DNAAF5: variants seen among roughly 807,000 people sequenced by gnomAD.
DNAAF5 encodes the protein HEAT repeat containing 2.
In DNAAF5, 64 loss-of-function variants were observed where a neutral mutation model predicts 75.8. That is an observed-to-expected ratio of 0.84 (90% confidence interval 0.69 to 1.04). The LOEUF is 1.04. Among genes scored for constraint, DNAAF5 ranks in the 50% least tolerant of loss-of-function variants. DNAAF5 has a pLI of 0.00. For synonymous variants in DNAAF5, 657 were observed against 557.2 expected (o/e 1.18, Z -2.52); for missense variants, 1,269 against 1,178.5 (o/e 1.08, Z -1.12).
At chr7:775,624 T>C (rs1165457823) in intron 11 of DNAAF5, among the ~76,000 whole-genome samples, 1 of 152,166 alleles carries the variant, frequency 6.6e-6, no homozygotes, top group Non-Finnish European at 1.5e-5. Flanking sequence ...ATGTATGTAT[T>C]GGGGGGCAGA....
intron 2 of DNAAF5, among the ~76,000 whole-genome samples, chr7:733,282 A>G (rs1169115855): frequency 2.6e-5 from 4 of 152,156 alleles, no homozygotes; most frequent in East Asian, 3.8e-4. Context: ...TGGCTATTCA[A>G]CGTCTTTCGA....
At chr7:734,437 G>T (rs2128070744) in intron 2 of DNAAF5, among the ~76,000 whole-genome samples, 1 of 152,312 alleles carries the variant, frequency 6.6e-6, no homozygotes. Context: ...TGCATTCCTG[G>T]AATAAATCTC....
intron 4 of DNAAF5, among the ~76,000 whole-genome samples, chr7:745,491 T>C (rs1782061966): frequency 6.6e-6 from 1 of 152,212 alleles, no homozygotes. Context: ...CACATGTACA[T>C]GCATATCGCA....
intron 8 of DNAAF5, chr7:769,256 C>A: frequency 1.4e-6 from 1 of 732,038 alleles, no homozygotes; most frequent in Admixed American, 1.9e-5. Context: ...CTACACTGGC[C>A]CGGGGCCAGA....
At chr7:761,308 C>G (rs2128080192) in intron 6 of DNAAF5, among the ~76,000 whole-genome samples, 1 of 152,392 alleles carries the variant, frequency 6.6e-6, no homozygotes, top group South Asian at 2.1e-4. Flanking sequence ...GAGCCGTAGA[C>G]TAGGAGCCCC....
At chr7:749,818 C>T (rs1047111950) in intron 4 of DNAAF5, among the ~76,000 whole-genome samples, 2 of 152,204 alleles carry the variant, frequency 1.3e-5, no homozygotes, top group Admixed American at 6.5e-5. Context: ...CCTGCCTCAG[C>T]CTCCCGAGTA....
At chr7:746,833 G>C (rs766265354) in intron 4 of DNAAF5, among the ~76,000 whole-genome samples, 111 of 152,316 alleles carry the variant, frequency 7.3e-4, no homozygotes, top group Non-Finnish European at 9.1e-4. Context: ...ACTGCTCATG[G>C]GCCCTGGCAC....
chr7:747,484 G>T (rs1241526857), intron 4 of DNAAF5, among the ~76,000 whole-genome samples: 4 of 151,890 alleles, frequency 2.6e-5, no homozygotes, highest in African/African-American at 9.7e-5. Flanking sequence ...TGTTGGTGGG[G>T]TTTGCTGTTT....
At chr7:784,660 G>GTA (rs1779093137) in intron 12 of DNAAF5, among the ~76,000 whole-genome samples, 4 of 152,088 alleles carry the variant, frequency 2.6e-5, no homozygotes, top group African/African-American at 9.7e-5. Flanking sequence ...TGAACCCTCC[G>GTA]TAAGCATGGG....
chr7:743,639 G>A (rs895085248), intron 4 of DNAAF5, among the ~76,000 whole-genome samples: 3 of 142,300 alleles, frequency 2.1e-5, no homozygotes, highest in African/African-American at 5.0e-5. Flanking sequence ...GAGAACGCTC[G>A]ATCTTTTTTT....
rs1583532837 is a variant in DNAAF5 at position 786,331 on chromosome 7, A to G, written c.*678A>G. 6.6e-6 allele frequency: 1 copy of G among 152,250 alleles called. No homozygotes were observed. Among genetic ancestry groups the G allele is most frequent in the East Asian group, 1.9e-4 (1 of 5,202 alleles). The allele number at this position is 152,250 out of a possible 1,614,324, so 9.4% of individuals were successfully genotyped here. On this transcript the variant is annotated 3_prime_UTR_variant, in exon 13 of 13. Transcript: ENST00000297440. ...TTTCCCTCTCGCACATTCTACACCC[A>G]AGTGCCTAAAAGATCTCATTGTAAG...
rs967853074 is a variant in DNAAF5 at position 780,298 on chromosome 7, C to G, written c.2431+154C>G. On this transcript the variant is annotated intron_variant, in intron 12 of 12. Coordinates refer to ENST00000297440, the MANE Select transcript of DNAAF5 (RefSeq NM_017802.4). Reference sequence around the variant, plus strand: ...CACACTCTTGAGTTCTTGGCAAACCCTGAGAGCGGCTGTCTTTGTGGTGAT... The same window carrying G: ...CACACTCTTGAGTTCTTGGCAAACCGTGAGAGCGGCTGTCTTTGTGGTGAT... Among the ~76,000 whole-genome samples, 59 of 152,380 alleles carry G rather than the reference C, an allele frequency of 3.9e-4. No individual in the cohort carries two copies. Among genetic ancestry groups the G allele is most frequent in the African/African-American group, 1.3e-3 (56 of 41,602 alleles).
intron 1 of DNAAF5, among the ~76,000 whole-genome samples, chr7:729,037 C>T (rs979240380): frequency 2.8e-5 from 4 of 144,220 alleles, no homozygotes; most frequent in Non-Finnish European, 6.0e-5. Flanking sequence ...CACTCTGTCT[C>T]CCAGGCTGGA....
Position 740,950 on chromosome 7 carries a change from G to A in DNAAF5, c.905+7G>A, listed in dbSNP as rs1263062962. On this transcript the variant is annotated splice_region_variant and intron_variant, in intron 3 of 12. Transcript: ENST00000297440. ...ACGAGGTGCCTGAGGTCAGGTACGT[G>A]GGCAGGCGGCCGCGGGCCTTGTCTT... 4.3e-6 allele frequency: 7 copies of A among 1,612,054 alleles called. No individual in the cohort carries two copies. Among genetic ancestry groups the A allele is most frequent in the Non-Finnish European group, 5.9e-6 (7 of 1,179,980 alleles).
intron 4 of DNAAF5, among the ~76,000 whole-genome samples, chr7:745,924 C>G (rs1252393290): frequency 6.6e-6 from 1 of 152,182 alleles, no homozygotes; most frequent in African/African-American, 2.4e-5. Flanking sequence ...AGTTAGTTAT[C>G]CGTGCCGAGG....
intron 4 of DNAAF5, among the ~76,000 whole-genome samples, chr7:743,535 G>A (rs1354207761): frequency 2.9e-5 from 4 of 139,092 alleles, no homozygotes; most frequent in Admixed American, 7.6e-5. Flanking sequence ...CCCACCCCAC[G>A]CTGCACAGTT....
chr7:754,471 T>C lies in DNAAF5; in HGVS notation c.1025-118T>C. The C allele has an allele frequency of 1.2e-6, 1 of 848,746 alleles. No homozygotes were observed. The highest frequency in any genetic ancestry group is 2.4e-5 in the East Asian group (1 of 40,882). The allele number at this position is 848,746 out of a possible 1,614,324, so 52.6% of individuals were successfully genotyped here. On this transcript the variant is annotated intron_variant, in intron 4 of 12. Coordinates refer to ENST00000297440, the MANE Select transcript of DNAAF5 (RefSeq NM_017802.4). This position sits in a 1 kb window ranked among gnomAD's most constrained non-coding sequence, Gnocchi z 4.8. ...TCAGCTTTGCGTCCACCCCAAGACT[T>C]GTTTTGAAATGGTGAGGTTGAAACT...
intron 12 of DNAAF5, among the ~76,000 whole-genome samples, chr7:784,293 T>G (rs1215046259): frequency 3.3e-5 from 5 of 152,172 alleles, no homozygotes; most frequent in Non-Finnish European, 5.9e-5. Flanking sequence ...AGAGCTCTTC[T>G]CCTGGCCTCA....
At position 785,647 on chromosome 7, in the gene DNAAF5, A is replaced by T. The variant is rs146751534; in HGVS notation, c.2562A>T (p.Thr854=). 110 of 1,612,848 alleles carry T rather than the reference A, an allele frequency of 6.8e-5. No homozygotes were observed. Among genetic ancestry groups the T allele is most frequent in the Admixed American group, 1.2e-4 (7 of 60,010 alleles). ...LLQHVQAVPA[T]Q ...AGCATGTGCAGGCCGTGCCAGCCACACAGTGACCACGCTGGTTTCAGCCAC... is the reference window on the plus strand; with the variant it reads ...AGCATGTGCAGGCCGTGCCAGCCACTCAGTGACCACGCTGGTTTCAGCCAC... Residue 854 remains threonine, a synonymous_variant, in exon 13 of 13, where the codon ACA becomes ACT. Transcript: ENST00000297440.
Sources: allele counts gnomAD v4.1 joint callset (sites outside exome capture counted in the v4.1 genomes callset), GRCh38; gene constraint gnomAD v4.1.1; non-coding constraint Gnocchi (gnomAD v3.1); transcripts MANE v1.5; gene names NCBI Gene and HGNC (gene_info 2026-07-23, HGNC 2026-07-21).